The following OR10AG1 variants were observed in gnomAD, a reference collection of about 807,000 sequenced individuals.
The protein encoded by OR10AG1 is olfactory receptor family 10 subfamily AG member 1, also known as olfactory receptor 10AG1.
For synonymous variants in OR10AG1, 147 were observed against 128.6 expected, an observed-to-expected ratio of 1.14 and a Z score of -0.97; for missense variants, 433 against 376.5, an observed-to-expected ratio of 1.15 and a Z score of -1.24.
chr11:55,968,915 G>T (rs927552839), intron 1 of OR10AG1, among the ~76,000 whole-genome samples: 1 of 151,868 alleles, frequency 6.6e-6, no homozygotes, highest in Non-Finnish European at 1.5e-5. Flanking sequence ...TGAATATTAC[G>T]ATTAATTCAT....
In OR10AG1 at chr11:55,966,225, TCTA is replaced by T. The variant is rs1262949489; in HGVS notation, c.*1330_*1332del. On this transcript the variant is annotated 3_prime_UTR_variant, in exon 2 of 2. Transcript: ENST00000641071. Reference sequence around the variant, plus strand: ...TAATAACTATTGAAAATATATTACCTCTACAAGATCAAATTTCATTGATTTAGC... The same window carrying T: ...TAATAACTATTGAAAATATATTACCTCAAGATCAAATTTCATTGATTTAGC... 16 of 150,824 alleles carry T rather than the reference TCTA, an allele frequency of 1.1e-4. No individual in the cohort carries two copies. Among genetic ancestry groups the T allele is most frequent in the Non-Finnish European group, 7.4e-5 (5 of 67,782 alleles). The allele number at this position is 150,824 out of a possible 1,614,324, so 9.3% of individuals were successfully genotyped here.
rs1272973538 is a variant in OR10AG1 at position 55,967,807 on chromosome 11, C to T, written c.717G>A (p.Leu239=). 6.2e-7 allele frequency: 1 copy of T among 1,614,000 alleles called. No homozygotes were observed. Among genetic ancestry groups the T allele is most frequent in the Non-Finnish European group, 8.5e-7 (1 of 1,179,954 alleles). ...CTTTAGCCTTTCCTCTGGCTGATGACAATTTCAAAATGTTGGAGATAATTT... is the reference window on the plus strand; with the variant it reads ...CTTTAGCCTTTCCTCTGGCTGATGATAATTTCAAAATGTTGGAGATAATTT... The part of the protein sequence containing the change: ...YGKIISNILK[L]SSARGKAKAF... The change falls in exon 2 of 2, where the codon TTG becomes TTA. Residue 239 remains leucine, a synonymous_variant. Coordinates refer to ENST00000641071, the MANE Select transcript of OR10AG1 (RefSeq NM_001005491.2).
intron 1 of OR10AG1, among the ~76,000 whole-genome samples, chr11:55,969,442 A>T (rs1852722836): frequency 6.6e-6 from 1 of 152,136 alleles, no homozygotes; most frequent in Non-Finnish European, 1.5e-5. Flanking sequence ...TGTCAATGTC[A>T]TCCAATATGA....
Position 55,966,495 on chromosome 11 carries a change from T to G in OR10AG1, c.*1063A>C, listed in dbSNP as rs907558283. 1 of 152,000 alleles carries G rather than the reference T, an allele frequency of 6.6e-6. No homozygotes were observed. The highest frequency in any genetic ancestry group is 1.9e-4 in the East Asian group (1 of 5,182). The allele number at this position is 152,000 out of a possible 1,614,324, so 9.4% of individuals were successfully genotyped here. A position where few individuals can be genotyped will look rare whatever the true frequency, so the allele number is the denominator to read the frequency against. On this transcript the variant is annotated 3_prime_UTR_variant, in exon 2 of 2. Transcript: ENST00000641071. ...GTTTATCTTAACAACTTACTGCAAA[T>G]TGGGTGGCTTAAGGCAATAGCAGAT...
chr11:55,966,988 A>G lies in OR10AG1; in HGVS notation c.*570T>C, dbSNP rs61895257. The G allele has an allele frequency of 0.06, 9,144 of 152,320 alleles. 379 individuals carry two copies. The highest frequency in any genetic ancestry group is 0.084 in the Non-Finnish European group (5,727 of 68,082). 9.4% of individuals were successfully genotyped at this position (152,320 alleles called of 1,614,324 possible). A position where few individuals can be genotyped will look rare whatever the true frequency, so the allele number is the denominator to read the frequency against. ...AAAGCAAGACCTGAAGCTACAAGGA[A>G]AGAAAATATGTTATCAGAGACGAGT... On this transcript the variant is annotated 3_prime_UTR_variant, in exon 2 of 2. Coordinates refer to ENST00000641071, the MANE Select transcript of OR10AG1 (RefSeq NM_001005491.2).
rs760441773 is a variant in OR10AG1, at chr11:55,967,652, A to G, written c.872T>C (p.Ile291Thr). 3 of 1,613,022 alleles carry G rather than the reference A, an allele frequency of 1.9e-6. No homozygotes were observed. The highest frequency in any genetic ancestry group is 3.3e-4 in the Middle Eastern group (2 of 6,056). Residue 291 changes from isoleucine to threonine, a missense_variant, in exon 2 of 2, where the codon ATT becomes ACT. Ile to Thr is a moderately conservative substitution (Grantham distance 89). Transcript: ENST00000641071. ...AATAGGATTCAAAGTTGGAATCAGA[A>G]TGGTGTAGAAAAGAGAAATCAGTTT... is the stretch of plus-strand genomic sequence containing the variant. Reference protein sequence around the residue: ...MGKLISLFYTILIPTLNPIIY... With the variant: ...MGKLISLFYTTLIPTLNPIIY...
At chr11:55,969,104 C>T (rs547948035) in intron 1 of OR10AG1, among the ~76,000 whole-genome samples, 8 of 152,126 alleles carry the variant, frequency 5.3e-5, no homozygotes, top group East Asian at 3.9e-4. Context: ...TTATTGACTT[C>T]CCCTGTTATT....
chr11:55,966,519 A>G lies in OR10AG1; in HGVS notation c.*1039T>C, dbSNP rs928760711. On this transcript the variant is annotated 3_prime_UTR_variant, in exon 2 of 2. Coordinates refer to ENST00000641071, the MANE Select transcript of OR10AG1 (RefSeq NM_001005491.2). ...ATTGGGTGGCTTAAGGCAATAGCAGATTAGTCACTCATCAGTTCTCTAGGC... is the reference window on the plus strand; with the variant it reads ...ATTGGGTGGCTTAAGGCAATAGCAGGTTAGTCACTCATCAGTTCTCTAGGC... 6.6e-6 allele frequency: 1 copy of G among 152,070 alleles called. No individual in the cohort carries two copies. Among genetic ancestry groups the G allele is most frequent in the African/African-American group, 2.4e-5 (1 of 41,346 alleles). 9.4% of individuals were successfully genotyped at this position (152,070 alleles called of 1,614,324 possible). A position where few individuals can be genotyped will look rare whatever the true frequency, so the allele number is the denominator to read the frequency against.
chr11:55,967,963 A>G lies in OR10AG1; in HGVS notation c.561T>C (p.His187=). 6.2e-7 allele frequency: 1 copy of G among 1,614,084 alleles called. No homozygotes were observed. Among genetic ancestry groups the G allele is most frequent in the Non-Finnish European group, 8.5e-7 (1 of 1,179,992 alleles). Residue 187 remains histidine, a synonymous_variant, in exon 2 of 2, where the codon CAT becomes CAC. Transcript: ENST00000641071. ...GTATTGGCGGGATGTCACAAAAGAAATGATTAATTGTGTTAGTTCCGCAAA... is the reference window on the plus strand; with the variant it reads ...GTATTGGCGGGATGTCACAAAAGAAGTGATTAATTGTGTTAGTTCCGCAAA... ...LPFCGTNTIN[H]FFCDIPPILK...
Position 55,968,443 on chromosome 11 carries a change from C to T in OR10AG1, c.81G>A (p.Gly27=). The change falls in exon 2 of 2, where the codon GGG becomes GGA. Residue 27 remains glycine, a synonymous_variant. Coordinates refer to ENST00000641071, the MANE Select transcript of OR10AG1 (RefSeq NM_001005491.2). ...AGTGGAGATTGGGAATATCAGAAAA[C>T]CCCAAAAGAACAAATTCCATTATTG... The part of the protein sequence containing the change: ...VTTIMEFVLL[G]FSDIPNLHWM... 6.4e-7 allele frequency: 1 copy of T among 1,560,094 alleles called. No homozygotes were observed. The highest frequency in any genetic ancestry group is 1.2e-5 in the South Asian group (1 of 82,566).
chr11:55,967,412 TA>T lies in OR10AG1; in HGVS notation c.*145del. ...GTAGCACATAACTATATTCTGTGAA[TA>T]AAACACCCCTTGACATAATGTAAGT... On this transcript the variant is annotated 3_prime_UTR_variant, in exon 2 of 2. Transcript: ENST00000641071. 1.7e-6 allele frequency: 1 copy of T among 590,386 alleles called. No homozygotes were observed. Among genetic ancestry groups the T allele is most frequent in the Non-Finnish European group, 3.0e-6 (1 of 336,946 alleles). The allele number at this position is 590,386 out of a possible 1,614,324, so 36.6% of individuals were successfully genotyped here.
chr11:55,966,361 G>T lies in OR10AG1; in HGVS notation c.*1197C>A, dbSNP rs1457207112. On this transcript the variant is annotated 3_prime_UTR_variant, in exon 2 of 2. Coordinates refer to ENST00000641071, the MANE Select transcript of OR10AG1 (RefSeq NM_001005491.2). ...AACAATTGAAGGGTAGGGTGGAATG[G>T]CATATCAGCTGAATCAGCTGAGGCA... The T allele has an allele frequency of 6.6e-6, 1 of 150,894 alleles. No homozygotes were observed. Among genetic ancestry groups the T allele is most frequent in the Admixed American group, 6.6e-5 (1 of 15,144 alleles). 9.3% of individuals were successfully genotyped at this position (150,894 alleles called of 1,614,324 possible).
chr11:55,968,515 T>C lies in OR10AG1; in HGVS notation c.17-8A>G, dbSNP rs1251731450. 5 of 1,149,978 alleles carry C rather than the reference T, an allele frequency of 4.3e-6. No individual in the cohort carries two copies. In the African/African-American group the frequency reaches 4.7e-5, roughly 11 times the overall value. 71.2% of individuals were successfully genotyped at this position (1,149,978 alleles called of 1,614,324 possible). On this transcript the variant is annotated splice_region_variant and splice_polypyrimidine_tract_variant and intron_variant, in intron 1 of 1. Coordinates refer to ENST00000641071, the MANE Select transcript of OR10AG1 (RefSeq NM_001005491.2). ...TTTTAGTTTGCTCTCCATCTGCAGA[T>C]ATAGCAAATTCAAGACAGTTAATTC...
chr11:55,968,103 A>G lies in OR10AG1; in HGVS notation c.421T>C (p.Leu141=), dbSNP rs61896166. Residue 141 remains leucine, a synonymous_variant, in exon 2 of 2, where the codon TTG becomes CTG. Transcript: ENST00000641071. The stretch of plus-strand genomic sequence containing the variant: ...TGGTTCATCACTAGAGGATACTGCA[A>G]AGGCTTACAAATAGCCACGTAGCGG... ...YDRYVAICKP[L]QYPLVMNHKV... The G allele has an allele frequency of 0.074, 119,170 of 1,613,512 alleles. 4,987 individuals carry two copies. Among genetic ancestry groups the G allele is most frequent in the Non-Finnish European group, 0.082 (97,178 of 1,179,506 alleles).
Position 55,967,482 on chromosome 11 carries a change from A to T in OR10AG1, c.*76T>A. The stretch of plus-strand genomic sequence containing the variant: ...ACTCATTATTGAATACCATAGGGAC[A>T]AAGTTAAAAAAAAATTCACTGAAGC... On this transcript the variant is annotated 3_prime_UTR_variant, in exon 2 of 2. Transcript: ENST00000641071. The T allele has an allele frequency of 1.1e-6, 1 of 886,456 alleles. No individual in the cohort carries two copies. 54.9% of individuals were successfully genotyped at this position (886,456 alleles called of 1,614,324 possible).
At position 55,966,292 on chromosome 11, in the gene OR10AG1, T is replaced by TATATATATATATATATA. The variant is rs376029198; in HGVS notation, c.*1265_*1266insTATATATATATATATAT. Reference sequence around the variant, plus strand: ...AGAATATATATATATATATATATATTTTTTTTTTTAAACAGAAGTCAATTT... The same window carrying TATATATATATATATATA: ...AGAATATATATATATATATATATATTATATATATATATATATATTTTTTTTTAAACAGAAGTCAATTT... On this transcript the variant is annotated 3_prime_UTR_variant, in exon 2 of 2. Coordinates refer to ENST00000641071, the MANE Select transcript of OR10AG1 (RefSeq NM_001005491.2). The TATATATATATATATATA allele has an allele frequency of 8.4e-4, 50 of 59,444 alleles. No individual in the cohort carries two copies. The highest frequency in any genetic ancestry group is 3.0e-3 in the African/African-American group (48 of 15,892). 3.7% of individuals were successfully genotyped at this position (59,444 alleles called of 1,614,324 possible). A position where few individuals can be genotyped will look rare whatever the true frequency, so the allele number is the denominator to read the frequency against.
In OR10AG1 at chr11:55,967,593, C is replaced by A. The variant is rs1448740682; in HGVS notation, c.931G>T (p.Ala311Ser). The change falls in exon 2 of 2, where the codon GCA (alanine) becomes TCA (serine). Residue 311 changes from alanine (A) to serine (S), a missense_variant. By Grantham distance (99) the Ala-to-Ser change is moderately conservative. Coordinates refer to ENST00000641071, the MANE Select transcript of OR10AG1 (RefSeq NM_001005491.2). ...AACTTAGCTAGTAATTTTCTCAATG[C>A]CACCATGATATCTTTGTTCCTCAGG... The part of the protein sequence containing the change: ...YTLRNKDIMV[A>S]LRKLLAKLLT The A allele has an allele frequency of 1.3e-6, 2 of 1,595,074 alleles. No homozygotes were observed. The highest frequency in any genetic ancestry group is 3.5e-5 in the Admixed American group (2 of 56,836).
chr11:55,968,691 C>T (rs1590672562), intron 1 of OR10AG1, among the ~76,000 whole-genome samples, 184 bp from the exon 2 acceptor site: 1 of 152,034 alleles, frequency 6.6e-6, no homozygotes, highest in Admixed American at 6.6e-5. Context: ...AGAAATGAAA[C>T]CTCAATATAT....
intron 1 of OR10AG1, among the ~76,000 whole-genome samples, chr11:55,969,258 C>A (rs1852721269): frequency 6.6e-6 from 1 of 151,976 alleles, no homozygotes; most frequent in East Asian, 1.9e-4. Context: ...TTCCTTTCAA[C>A]CAAATACAAT....
Sources: allele counts gnomAD v4.1 joint callset (sites outside exome capture counted in the v4.1 genomes callset), GRCh38; gene constraint gnomAD v4.1.1; transcripts MANE v1.5; gene names NCBI Gene and HGNC (gene_info 2026-07-23, HGNC 2026-07-21).